CHD6: variants seen among roughly 807,000 people sequenced by gnomAD.
CHD6 encodes ATP-dependent chromatin remodeler CHD6.
Under a neutral mutation model 276.9 loss-of-function variants are expected in CHD6, and 50 were observed. That is an observed-to-expected ratio of 0.18 (90% confidence interval 0.14 to 0.23). CHD6 has a LOEUF of 0.23. Among genes scored for constraint, CHD6 ranks in the 10% least tolerant of loss-of-function variants. The probability of loss-of-function intolerance (pLI) is 1.00; values close to 1 mark genes in which losing one functional copy is unlikely to be tolerated. For missense variants in CHD6, 2,564 were observed against 3,365.8 expected (o/e 0.76, Z 5.89); for synonymous variants, 1,173 against 1,229.3 (o/e 0.95, Z 0.96).
At chr20:41,414,737 T>C in intron 34 of CHD6, 2 of 754,498 alleles carry the variant, frequency 2.7e-6, no homozygotes, top group South Asian at 1.1e-4. Context: ...TGAGTCTCAG[T>C]TGTAGCCCAA....
intron 17 of CHD6, among the ~76,000 whole-genome samples, chr20:41,468,018 C>A (rs893519535): frequency 6.6e-6 from 1 of 151,876 alleles, no homozygotes; most frequent in Non-Finnish European, 1.5e-5. Flanking sequence ...AATTTTAGAT[C>A]CTTTTCATTA....
chr20:41,509,575 T>C (rs1472980811), intron 5 of CHD6, among the ~76,000 whole-genome samples: 3 of 152,140 alleles, frequency 2.0e-5, no homozygotes, highest in Non-Finnish European at 4.4e-5. Context: ...GAGTACACTG[T>C]ACGCAGACAC....
chr20:41,435,259 C>T (rs1465633136), intron 27 of CHD6, among the ~76,000 whole-genome samples: 1 of 152,010 alleles, frequency 6.6e-6, no homozygotes, highest in African/African-American at 2.4e-5. Context: ...ATTAGACAAA[C>T]AGAAAAGTTT....
intron 1 of CHD6, among the ~76,000 whole-genome samples, chr20:41,569,928 T>C (rs1443764717): frequency 1.3e-5 from 2 of 152,138 alleles, no homozygotes; most frequent in Non-Finnish European, 2.9e-5. Flanking sequence ...CAATCCCCCA[T>C]GGACACTGAG....
chr20:41,522,677 T>C (rs1266781384), intron 3 of CHD6, among the ~76,000 whole-genome samples: 1 of 151,776 alleles, frequency 6.6e-6, no homozygotes, highest in Non-Finnish European at 1.5e-5. Flanking sequence ...CATACATAAA[T>C]AGATATTTAT....
chr20:41,512,482 G>A (rs61522456), intron 5 of CHD6, among the ~76,000 whole-genome samples: 8,110 of 151,518 alleles, frequency 0.054, 745 homozygotes, highest in African/African-American at 0.19. Flanking sequence ...AACCAGTCAC[G>A]TAAAGCATCC....
At chr20:41,504,099 A>AAAAAAG (rs1304954519) in intron 5 of CHD6, among the ~76,000 whole-genome samples, 1 of 149,576 alleles carries the variant, frequency 6.7e-6, no homozygotes, top group Non-Finnish European at 1.5e-5. Flanking sequence ...AAAAAAAAAA[A>AAAAAAG]AAAAAGAAAT....
chr20:41,482,798 C>G (rs2043324918), intron 16 of CHD6, among the ~76,000 whole-genome samples: 1 of 152,040 alleles, frequency 6.6e-6, no homozygotes, highest in Non-Finnish European at 1.5e-5. Context: ...AGAGTATGAA[C>G]AAGAAAATAA....
intron 36 of CHD6, among the ~76,000 whole-genome samples, chr20:41,409,556 G>A (rs2046781971): frequency 6.6e-6 from 1 of 152,146 alleles, no homozygotes; most frequent in Admixed American, 6.5e-5. Context: ...TTTCTCCTCC[G>A]AAGGTTAGTA....
intron 4 of CHD6, 83 bp downstream of exon 4, chr20:41,514,722 C>A (rs2044209254): frequency 6.8e-7 from 1 of 1,478,586 alleles, no homozygotes; most frequent in African/African-American, 1.4e-5. Flanking sequence ...TAGAGAAAGG[C>A]ATAGAGGAGC....
intron 1 of CHD6, among the ~76,000 whole-genome samples, chr20:41,554,369 CTTTTATT>C (rs1256057883): frequency 6.8e-6 from 1 of 146,630 alleles, no homozygotes; most frequent in East Asian, 2.0e-4. Context: ...GCTAATGGCA[CTTTTATT>C]TTTTATTTAT....
chr20:41,522,079 G>C (rs1442561051), intron 3 of CHD6, among the ~76,000 whole-genome samples: 1 of 152,152 alleles, frequency 6.6e-6, no homozygotes, highest in African/African-American at 2.4e-5. Flanking sequence ...AGTGGCTCAC[G>C]CCTGTAATAT....
chr20:41,418,255 C>T (rs2047067209), intron 31 of CHD6, among the ~76,000 whole-genome samples: 1 of 152,058 alleles, frequency 6.6e-6, no homozygotes, highest in South Asian at 2.1e-4. Context: ...AATAAAGGAG[C>T]AACTAAAATT....
intron 2 of CHD6, chr20:41,547,493 C>A: frequency 2.6e-6 from 1 of 381,496 alleles, no homozygotes; most frequent in South Asian, 2.1e-5. Flanking sequence ...AAGTCGATGC[C>A]ATGTCTGCAC....
Position 41,489,973 on chromosome 20 carries a change from C to T in CHD6, c.1485G>A (p.Gln495=), listed in dbSNP as rs2043508865. 5.6e-6 allele frequency: 9 copies of T among 1,613,890 alleles called. No homozygotes were observed. Among genetic ancestry groups the T allele is most frequent in the Non-Finnish European group, 7.6e-6 (9 of 1,179,898 alleles). ...ATATTTCTGAAAGGAATGTGATGGA[C>T]TGGATGGTTTTCCCTAGGCCCATCT... is the stretch of plus-strand genomic sequence containing the variant. ...ADEMGLGKTI[Q]SITFLSEIFL... The change falls in exon 12 of 37, where the codon CAG becomes CAA. Residue 495 remains glutamine, a synonymous_variant. Coordinates refer to ENST00000373233, the MANE Select transcript of CHD6 (RefSeq NM_032221.5).
chr20:41,563,995 G>A (rs2045328871), intron 1 of CHD6: 1 of 767,438 alleles, frequency 1.3e-6, no homozygotes, highest in African/African-American at 1.7e-5. Flanking sequence ...TGTCTTTTGT[G>A]GTAGAACAGC....
chr20:41,585,270 G>A (rs1003611423), intron 1 of CHD6, among the ~76,000 whole-genome samples: 5 of 152,210 alleles, frequency 3.3e-5, no homozygotes, highest in African/African-American at 9.6e-5. Context: ...TTGGGAGGCC[G>A]AGGCAGGCGG....
At chr20:41,477,757 C>A (rs749708621) in intron 16 of CHD6, among the ~76,000 whole-genome samples, 1 of 152,180 alleles carries the variant, frequency 6.6e-6, no homozygotes. Context: ...TAGTGCAGAA[C>A]ACGTGACGGG....
intron 23 of CHD6, among the ~76,000 whole-genome samples, chr20:41,450,126 A>C (rs1180003170): frequency 6.6e-6 from 1 of 152,230 alleles, no homozygotes; most frequent in Non-Finnish European, 1.5e-5. Flanking sequence ...AAAGAAAAAA[A>C]ACAAAACAAA....
Sources: gnomAD v4.1 joint callset for allele counts (sites outside exome capture counted in the v4.1 genomes callset) on GRCh38, gnomAD v4.1.1 for gene constraint, MANE v1.5 for transcripts, NCBI Gene and HGNC (gene_info 2026-07-23, HGNC 2026-07-21) for gene names.